GRID2: variants seen among roughly 807,000 people sequenced by gnomAD.
GRID2 encodes the protein glutamate ionotropic receptor delta type subunit 2, also known as glutamate receptor ionotropic, delta-2.
GRID2 carries 33 observed loss-of-function variants against 114.8 expected under a neutral mutation model. That is an observed-to-expected ratio of 0.29 (90% CI 0.22 to 0.38). The LOEUF (loss-of-function observed/expected upper bound fraction) is 0.38, where lower values mean the gene tolerates loss of function less well. Ranked by LOEUF, GRID2 falls within the 10% of genes least tolerant of loss-of-function variation. GRID2 has a pLI of 1.00. For missense variants in GRID2, 1,184 were observed against 1,257.7 expected, an observed-to-expected ratio of 0.94 and a Z score of 0.89; for synonymous variants, 505 against 449.9, an observed-to-expected ratio of 1.12 and a Z score of -1.55.
chr4:93,052,503 C>T (rs1311161527), intron 2 of GRID2, among the ~76,000 whole-genome samples: 1 of 151,950 alleles, frequency 6.6e-6, no homozygotes, highest in East Asian at 1.9e-4. Context: ...CTATACAGCA[C>T]ATTACTGTGC....
intron 14 of GRID2, among the ~76,000 whole-genome samples, chr4:93,767,330 CT>C (rs1168521288): frequency 6.6e-6 from 1 of 152,092 alleles, no homozygotes; most frequent in East Asian, 1.9e-4. Context: ...GTGAAATGCA[CT>C]TTTGGAAATT....
intron 10 of GRID2, among the ~76,000 whole-genome samples, chr4:93,454,271 C>T (rs944326804): frequency 6.6e-6 from 1 of 151,920 alleles, no homozygotes; most frequent in Admixed American, 6.6e-5. Flanking sequence ...GAACCAATTA[C>T]CCTGAGTGCC....
chr4:92,713,519 T>TA (rs1464081862), intron 2 of GRID2, among the ~76,000 whole-genome samples: 121 of 81,324 alleles, frequency 1.5e-3, no homozygotes, highest in Non-Finnish European at 2.4e-3. Flanking sequence ...ATATATATAT[T>TA]ACCAAAATTA....
chr4:93,078,778 T>G (rs1170750058), intron 2 of GRID2, among the ~76,000 whole-genome samples: 1 of 146,886 alleles, frequency 6.8e-6, no homozygotes, highest in African/African-American at 2.5e-5. Flanking sequence ...ATTTATATAC[T>G]GTATATACTA....
intron 10 of GRID2, among the ~76,000 whole-genome samples, chr4:93,432,688 A>G (rs1054058090): frequency 6.6e-6 from 1 of 152,194 alleles, no homozygotes; most frequent in Non-Finnish European, 1.5e-5. Context: ...TACACTGCTG[A>G]CATTATACAC....
intron 9 of GRID2, among the ~76,000 whole-genome samples, chr4:93,414,706 T>TATATATATATATATATATATATATATA (rs1560595949): frequency 1.4e-4 from 21 of 149,676 alleles, no homozygotes; most frequent in Non-Finnish European, 2.1e-4. Flanking sequence ...TATATATATA[T>TATATATATATATATATATATATATATA]TTCCTTTTTT....
At chr4:93,448,943 C>T (rs1159261535) in intron 10 of GRID2, among the ~76,000 whole-genome samples, 2 of 131,562 alleles carry the variant, frequency 1.5e-5, no homozygotes, top group African/African-American at 2.9e-5. Flanking sequence ...TTCCCCTTCC[C>T]TTTCCCTTCC....
At chr4:92,474,619 A>G (rs1322295298) in intron 1 of GRID2, among the ~76,000 whole-genome samples, 3 of 152,072 alleles carry the variant, frequency 2.0e-5, no homozygotes, top group Non-Finnish European at 2.9e-5. Context: ...GATGGTATCA[A>G]TTACATTCTC....
chr4:93,354,691 T>C (rs1474645072), intron 8 of GRID2, among the ~76,000 whole-genome samples: 1 of 147,436 alleles, frequency 6.8e-6, no homozygotes, highest in Non-Finnish European at 1.5e-5. Flanking sequence ...TGTGTGTGTG[T>C]GTGTGTGTGT....
At chr4:92,695,264 C>T (rs1734372623) in intron 2 of GRID2, among the ~76,000 whole-genome samples, 1 of 152,090 alleles carries the variant, frequency 6.6e-6, no homozygotes, top group South Asian at 2.1e-4. Context: ...CCGTGCCTGG[C>T]CAGATATTTT....
At chr4:92,722,062 C>A (rs1321226779) in intron 2 of GRID2, among the ~76,000 whole-genome samples, 1 of 152,106 alleles carries the variant, frequency 6.6e-6, no homozygotes, top group African/African-American at 2.4e-5. Context: ...TCAAAAGATT[C>A]ATAGAGATAC....
intron 8 of GRID2, among the ~76,000 whole-genome samples, chr4:93,334,788 G>A (rs890750802): frequency 5.3e-5 from 8 of 152,044 alleles, no homozygotes; most frequent in South Asian, 4.1e-4. Flanking sequence ...AAAATTAGCC[G>A]GGCGTGGTGG....
intron 2 of GRID2, among the ~76,000 whole-genome samples, chr4:93,078,625 A>G (rs1416396816): frequency 6.7e-6 from 1 of 148,792 alleles, no homozygotes; most frequent in Non-Finnish European, 1.5e-5. Context: ...TTGAAAAATT[A>G]TAAAGTAAAT....
intron 2 of GRID2, among the ~76,000 whole-genome samples, chr4:92,965,482 AAAAAAAAC>A (rs1334200345): frequency 1.1e-4 from 11 of 99,638 alleles, no homozygotes; most frequent in African/African-American, 3.9e-4. Context: ...AAAAAAAAAA[AAAAAAAAC>A]ACACAACATC....
intron 13 of GRID2, among the ~76,000 whole-genome samples, chr4:93,586,030 A>T (rs182667530): frequency 6.6e-6 from 1 of 152,222 alleles, no homozygotes; most frequent in East Asian, 1.9e-4. Context: ...TAAATTGATG[A>T]CAGCCAAACC....
At chr4:93,320,453 A>G (rs1011175771) in intron 8 of GRID2, among the ~76,000 whole-genome samples, 5 of 152,142 alleles carry the variant, frequency 3.3e-5, no homozygotes, top group African/African-American at 4.8e-5. Flanking sequence ...AGCACTTCAG[A>G]AAAACTGAAT....
At chr4:92,657,600 G>T (rs1404759271) in intron 2 of GRID2, among the ~76,000 whole-genome samples, 1 of 150,672 alleles carries the variant, frequency 6.6e-6, no homozygotes, top group Admixed American at 6.7e-5. Flanking sequence ...GTGTCATTTC[G>T]ATGCCAGAGT....
At chr4:92,575,462 G>C (rs1387010222) in intron 1 of GRID2, among the ~76,000 whole-genome samples, 2 of 152,118 alleles carry the variant, frequency 1.3e-5, no homozygotes, top group Non-Finnish European at 2.9e-5. Context: ...ATCTACCCAT[G>C]ATCTTTGATT....
intron 2 of GRID2, among the ~76,000 whole-genome samples, chr4:93,032,312 A>C (rs1020256233): frequency 3.3e-5 from 5 of 152,238 alleles, no homozygotes; most frequent in Middle Eastern, 3.2e-3. Context: ...CAGAGAAAAA[A>C]GAAGATAGAA....
Sources: allele counts gnomAD v4.1 joint callset (sites outside exome capture counted in the v4.1 genomes callset), GRCh38; gene constraint gnomAD v4.1.1; transcripts MANE v1.5; gene names NCBI Gene and HGNC (gene_info 2026-07-23, HGNC 2026-07-21).